MEF2A: variants seen among roughly 807,000 people sequenced by gnomAD.
The protein encoded by MEF2A is myocyte-specific enhancer factor 2A.
A neutral mutation model predicts 55.8 loss-of-function variants in MEF2A; 28 were observed. The observed-to-expected ratio is 0.50, with a 90% confidence interval of 0.37 to 0.69. The LOEUF is 0.69. MEF2A is among the 30% of genes least tolerant of loss of function. MEF2A has a pLI of 0.00. For synonymous variants in MEF2A, 239 were observed against 227.1 expected, an observed-to-expected ratio of 1.05 and a Z score of -0.47; for missense variants, 528 against 626.2, an observed-to-expected ratio of 0.84 and a Z score of 1.67.
chr15:99,571,648 T>C (rs569519205), intron 1 of MEF2A, among the ~76,000 whole-genome samples: 38 of 152,192 alleles, frequency 2.5e-4, no homozygotes, highest in Non-Finnish European at 5.0e-4. Flanking sequence ...TTGAGTTTGA[T>C]ATTCACTTGG....
At chr15:99,706,675 T>G in intron 9 of MEF2A, 54 bp from the exon 10 acceptor site, 1 of 1,584,666 alleles carries the variant, frequency 6.3e-7, no homozygotes, top group Admixed American at 1.7e-5. Flanking sequence ...AAGTGATTTT[T>G]AAGTCAACAT....
chr15:99,579,827 C>T (rs534777389), intron 1 of MEF2A, among the ~76,000 whole-genome samples: 4 of 152,224 alleles, frequency 2.6e-5, no homozygotes, highest in African/African-American at 4.8e-5. Flanking sequence ...AGTTGTGGGA[C>T]TTGCAATTTT....
At chr15:99,585,687 A>T (rs11637625) in intron 1 of MEF2A, among the ~76,000 whole-genome samples, 1 of 151,972 alleles carries the variant, frequency 6.6e-6, no homozygotes. Context: ...CACTGTGCTG[A>T]GCACATTACA....
intron 2 of MEF2A, among the ~76,000 whole-genome samples, chr15:99,602,697 TGTAG>T: frequency 1.2e-5 from 1 of 81,542 alleles, no homozygotes. Flanking sequence ...TGTGTGTGTG[TGTAG>T]GGGTGGGGAG....
chr15:99,574,054 T>C (rs1043530130), intron 1 of MEF2A, among the ~76,000 whole-genome samples: 1 of 152,224 alleles, frequency 6.6e-6, no homozygotes, highest in South Asian at 2.1e-4. Context: ...ATTTTTTTTT[T>C]TAAATTTATT....
intron 2 of MEF2A, among the ~76,000 whole-genome samples, chr15:99,601,792 T>C (rs1973089469): frequency 6.6e-6 from 1 of 150,438 alleles, no homozygotes; most frequent in Non-Finnish European, 1.5e-5. Flanking sequence ...CATTGGATTG[T>C]AGTTTTTGTC....
chr15:99,626,274 T>C (rs1885454549), intron 2 of MEF2A, among the ~76,000 whole-genome samples: 1 of 152,142 alleles, frequency 6.6e-6, no homozygotes, highest in Non-Finnish European at 1.5e-5. Context: ...AGTACCCTCT[T>C]ACAGTCTCAT....
rs373210604 is a variant in MEF2A at position 99,650,680 on chromosome 15, G to A, written c.258+4916G>A. On this transcript the variant is annotated intron_variant, in intron 4 of 11. Coordinates refer to ENST00000557942, the MANE Select transcript of MEF2A (RefSeq NM_001319206.4). Reference sequence around the variant, plus strand: ...GTAACATCTGAAAGAAAGGAAGATAGGGAATCAGTATAAGATCCATCTATC... The same window carrying A: ...GTAACATCTGAAAGAAAGGAAGATAAGGAATCAGTATAAGATCCATCTATC... 1.1e-4 allele frequency among the ~76,000 whole-genome samples: 16 copies of A among 152,330 alleles called. No homozygotes were observed. The South Asian group carries it at 3.1e-3, about 30-fold the overall frequency.
chr15:99,679,481 T>C (rs1262344356), intron 7 of MEF2A, among the ~76,000 whole-genome samples: 1 of 152,218 alleles, frequency 6.6e-6, no homozygotes, highest in African/African-American at 2.4e-5. Context: ...ATTCTAACTA[T>C]ATAAAGTTTG....
chr15:99,674,021 A>G (rs1388111203), intron 5 of MEF2A, among the ~76,000 whole-genome samples: 2 of 152,124 alleles, frequency 1.3e-5, no homozygotes, highest in Non-Finnish European at 2.9e-5. Flanking sequence ...TAATGTTATT[A>G]AGGTTTACAT....
chr15:99,651,704 C>T (rs77767388), intron 4 of MEF2A, among the ~76,000 whole-genome samples: 1,568 of 152,244 alleles, frequency 0.01, 13 homozygotes, highest in Non-Finnish European at 0.016. Flanking sequence ...TTCAGTTTTA[C>T]TACTTTTATT....
At chr15:99,656,979 A>G (rs1010766785) in intron 4 of MEF2A, among the ~76,000 whole-genome samples, 1 of 151,988 alleles carries the variant, frequency 6.6e-6, no homozygotes, top group Non-Finnish European at 1.5e-5. Context: ...CTTCCCCTAC[A>G]TCCTGGCAAC....
At chr15:99,634,831 T>A (rs1395957490) in intron 3 of MEF2A, among the ~76,000 whole-genome samples, 1 of 152,222 alleles carries the variant, frequency 6.6e-6, no homozygotes. Context: ...GCAAGGACTA[T>A]CTGAATTTCT....
chr15:99,690,639 T>C (rs950978448), intron 8 of MEF2A: 26 of 682,056 alleles, frequency 3.8e-5, no homozygotes, highest in Non-Finnish European at 6.1e-5. Flanking sequence ...TTACTTAAAA[T>C]TAAAGCTAAA....
intron 1 of MEF2A, among the ~76,000 whole-genome samples, chr15:99,571,621 C>T (rs867063851): frequency 5.9e-5 from 9 of 152,098 alleles, no homozygotes; most frequent in Non-Finnish European, 8.8e-5. Context: ...CTTTTATTTT[C>T]CCAGCCCAGA....
At chr15:99,629,680 G>T (rs2153384279) in intron 2 of MEF2A, among the ~76,000 whole-genome samples, 1 of 152,186 alleles carries the variant, frequency 6.6e-6, no homozygotes, top group African/African-American at 2.4e-5. Flanking sequence ...CGGGGTGGGG[G>T]TACTATGAGT....
intron 1 of MEF2A, among the ~76,000 whole-genome samples, chr15:99,585,731 G>T (rs1035811376): frequency 6.6e-6 from 1 of 152,142 alleles, no homozygotes; most frequent in African/African-American, 2.4e-5. Flanking sequence ...AACTTACGAG[G>T]TATAGATATT....
intron 1 of MEF2A, among the ~76,000 whole-genome samples, chr15:99,571,393 C>T (rs1962227413): frequency 6.6e-6 from 1 of 152,104 alleles, no homozygotes; most frequent in Non-Finnish European, 1.5e-5. Flanking sequence ...TTATAAAGTG[C>T]AGTGCCTGGT....
intron 1 of MEF2A, among the ~76,000 whole-genome samples, chr15:99,595,583 A>G (rs1270200412): frequency 6.6e-6 from 1 of 152,194 alleles, no homozygotes; most frequent in African/African-American, 2.4e-5. Context: ...ATCCTGGGCC[A>G]GATATTGAGT....
Sources: gnomAD v4.1 joint callset for allele counts (sites outside exome capture counted in the v4.1 genomes callset) on GRCh38, gnomAD v4.1.1 for gene constraint, MANE v1.5 for transcripts, NCBI Gene and HGNC (gene_info 2026-07-23, HGNC 2026-07-21) for gene names.